PRKCA: variants seen among roughly 807,000 people sequenced by gnomAD.
PRKCA encodes protein kinase C alpha type.
PRKCA carries 27 observed loss-of-function variants against 87.0 expected under a neutral mutation model. The ratio of observed to expected loss-of-function variants is 0.31; its 90% CI spans 0.23 to 0.43. The LOEUF (loss-of-function observed/expected upper bound fraction) is 0.43. Among genes scored for constraint, PRKCA ranks in the 20% least tolerant of loss-of-function variants. The pLI is 1.00. For missense variants in PRKCA, 518 were observed against 852.3 expected, an observed-to-expected ratio of 0.61 and a Z score of 4.88; for synonymous variants, 329 against 311.1, an observed-to-expected ratio of 1.06 and a Z score of -0.61.
At chr17:66,540,020 G>A (rs957219121) in intron 3 of PRKCA, among the ~76,000 whole-genome samples, 2 of 152,182 alleles carry the variant, frequency 1.3e-5, no homozygotes, top group Non-Finnish European at 2.9e-5. Context: ...TAGGCCACCC[G>A]TCTTTTGGAG....
intron 2 of PRKCA, among the ~76,000 whole-genome samples, chr17:66,337,474 C>T (rs1030515399): frequency 2.0e-5 from 3 of 152,110 alleles, no homozygotes; most frequent in Non-Finnish European, 4.4e-5. Flanking sequence ...ACCACAGCCT[C>T]GACCTCTCAG....
At position 66,388,959 on chromosome 17, in the gene PRKCA, G is replaced by C. The variant is rs150778052; in HGVS notation, c.205+82832G>C. 1.3e-3 allele frequency among the ~76,000 whole-genome samples: 194 copies of C among 152,320 alleles called. 1 individual carries two copies. The highest frequency in any genetic ancestry group is 4.4e-3 in the African/African-American group (185 of 41,574). On this transcript the variant is annotated intron_variant, in intron 2 of 16. Transcript: ENST00000413366. ...CCTCACTGGGAAAGAAACACATAGA[G>C]ATGTGGAAGGAAAAAGAAAAAGCTG...
intron 3 of PRKCA, among the ~76,000 whole-genome samples, chr17:66,615,181 C>T (rs1385198003): frequency 6.6e-6 from 1 of 152,180 alleles, no homozygotes; most frequent in East Asian, 1.9e-4. Context: ...CTCTAGGCAG[C>T]TTTTCAGGAA....
chr17:66,656,300 T>C (rs1024103378), intron 5 of PRKCA, among the ~76,000 whole-genome samples: 1 of 152,252 alleles, frequency 6.6e-6, no homozygotes, highest in African/African-American at 2.4e-5. Flanking sequence ...TTGACTTCAG[T>C]GACTGCTGCC....
rs189105980 is a variant in PRKCA at position 66,509,919 on chromosome 17, A to G, written c.288+13636A>G. On this transcript the variant is annotated intron_variant, in intron 3 of 16. Transcript: ENST00000413366. ...AAAGAGCGAATGAATGGAAAAAAAA[A>G]ATGAAGTCTTTGATTCCCTAAAGAA... 6.8e-3 allele frequency among the ~76,000 whole-genome samples: 1,031 copies of G among 152,318 alleles called. 30 individuals carry two copies. The highest frequency in any genetic ancestry group is 0.055 in the Admixed American group (847 of 15,282).
At chr17:66,543,974 G>A (rs896672336) in intron 3 of PRKCA, among the ~76,000 whole-genome samples, 12 of 152,184 alleles carry the variant, frequency 7.9e-5, no homozygotes, top group Non-Finnish European at 1.8e-4. Flanking sequence ...CACTTTGGGA[G>A]GCCAAGGCAG....
chr17:66,501,624 T>C (rs2144131263), intron 3 of PRKCA, among the ~76,000 whole-genome samples: 1 of 152,284 alleles, frequency 6.6e-6, no homozygotes, highest in South Asian at 2.1e-4. Context: ...TTTGAATTGG[T>C]GCAGGATTTA....
rs886306776 is a variant in PRKCA at position 66,302,618 on chromosome 17, T to C, written c.-234T>C. ...CGAGCGCCGGGCACCGGGCTGTCAGTGAGCCTGGGGCCAGCGGGCGAGCCA... is the reference window on the plus strand; with the variant it reads ...CGAGCGCCGGGCACCGGGCTGTCAGCGAGCCTGGGGCCAGCGGGCGAGCCA... On this transcript the variant is annotated 5_prime_UTR_variant, in exon 1 of 17. Transcript: ENST00000413366. 2 of 152,590 alleles carry C rather than the reference T, an allele frequency of 1.3e-5. No individual in the cohort carries two copies. The highest frequency in any genetic ancestry group is 4.9e-5 in the African/African-American group (2 of 40,890). The allele number at this position is 152,590 out of a possible 1,614,324, so 9.5% of individuals were successfully genotyped here. A position where few individuals can be genotyped will look rare whatever the true frequency, so the allele number is the denominator to read the frequency against.
At chr17:66,666,197 T>G (rs1393170771) in intron 5 of PRKCA, among the ~76,000 whole-genome samples, 1 of 152,250 alleles carries the variant, frequency 6.6e-6, no homozygotes, top group Non-Finnish European at 1.5e-5. Flanking sequence ...TGGGAGTGCC[T>G]TCTCCCCTAC....
intron 3 of PRKCA, among the ~76,000 whole-genome samples, chr17:66,544,202 C>T (rs540214966): frequency 1.2e-4 from 18 of 151,956 alleles, no homozygotes; most frequent in East Asian, 3.9e-4. Flanking sequence ...GCAGCCTGGG[C>T]GACACAGCGA....
chr17:66,573,618 G>A (rs544354527), intron 3 of PRKCA, among the ~76,000 whole-genome samples: 2 of 152,298 alleles, frequency 1.3e-5, no homozygotes, highest in Non-Finnish European at 2.9e-5. Flanking sequence ...AAAATTCTGG[G>A]AAAAGATTGT....
chr17:66,445,449 C>T (rs1246028696), intron 2 of PRKCA, among the ~76,000 whole-genome samples: 1 of 152,240 alleles, frequency 6.6e-6, no homozygotes, highest in African/African-American at 2.4e-5. Flanking sequence ...TAGAAGGCTT[C>T]CTAATGAGCA....
At chr17:66,374,707 C>T (rs952495665) in intron 2 of PRKCA, among the ~76,000 whole-genome samples, 1 of 146,224 alleles carries the variant, frequency 6.8e-6, no homozygotes, top group Non-Finnish European at 1.5e-5. Context: ...GTGCAGGGTG[C>T]TGAGTTGCAT....
intron 4 of PRKCA, among the ~76,000 whole-genome samples, chr17:66,643,665 G>A (rs572654027): frequency 1.3e-5 from 2 of 152,250 alleles, no homozygotes; most frequent in Non-Finnish European, 2.9e-5. Flanking sequence ...GGAATCATAA[G>A]GCTTCTGTGG....
chr17:66,664,935 C>G (rs373224684), intron 5 of PRKCA, among the ~76,000 whole-genome samples: 1 of 151,992 alleles, frequency 6.6e-6, no homozygotes, highest in Non-Finnish European at 1.5e-5. Flanking sequence ...CCACTGTGCC[C>G]GGCTCATTGC....
chr17:66,737,223 C>T (rs1005597746), intron 10 of PRKCA, among the ~76,000 whole-genome samples: 27 of 149,982 alleles, frequency 1.8e-4, no homozygotes, highest in Admixed American at 5.3e-4. Context: ...ATTAGCCGGG[C>T]GTGGTGGCGG....
chr17:66,645,272 A>C lies in PRKCA; in HGVS notation c.401-111A>C. ...TATGTCACCAAAAACATTATAGCAA[A>C]GTATCGAGTTGGGGGTAACTCATTT... On this transcript the variant is annotated intron_variant, in intron 4 of 16. Coordinates refer to ENST00000413366, the MANE Select transcript of PRKCA (RefSeq NM_002737.3). 3 of 1,439,786 alleles carry C rather than the reference A, an allele frequency of 2.1e-6. No homozygotes were observed. The East Asian group carries it at 7.0e-5, about 34-fold the overall frequency. 89.2% of individuals were successfully genotyped at this position (1,439,786 alleles called of 1,614,324 possible).
At position 66,683,135 on chromosome 17, in the gene PRKCA, C is replaced by T. The variant is rs569346612; in HGVS notation, c.530-3976C>T. 2.0e-5 allele frequency among the ~76,000 whole-genome samples: 3 copies of T among 152,316 alleles called. No individual in the cohort carries two copies. In the South Asian group the frequency reaches 6.2e-4, roughly 32 times the overall value. ...TAGCTAAGAGACAGAAGATCTCAGG[C>T]AACTGGATCCAGCTAGAAATGAATA... On this transcript the variant is annotated intron_variant, in intron 5 of 16. Transcript: ENST00000413366.
At chr17:66,540,016 A>G (rs1967925090) in intron 3 of PRKCA, among the ~76,000 whole-genome samples, 1 of 152,190 alleles carries the variant, frequency 6.6e-6, no homozygotes, top group Non-Finnish European at 1.5e-5. Context: ...CATGTAGGCC[A>G]CCCGTCTTTT....
Sources: gnomAD v4.1 joint callset for allele counts (sites outside exome capture counted in the v4.1 genomes callset) on GRCh38, gnomAD v4.1.1 for gene constraint, MANE v1.5 for transcripts, NCBI Gene and HGNC (gene_info 2026-07-23, HGNC 2026-07-21) for gene names.